The following FMO2 variants were observed in gnomAD, a reference collection of about 807,000 sequenced individuals.
The protein encoded by FMO2 is flavin-containing monooxygenase 2.
A neutral mutation model predicts 41.6 loss-of-function variants in FMO2; 33 were observed. That is an observed-to-expected ratio of 0.79 (90% CI 0.60 to 1.06). The LOEUF is 1.06. Ranked by LOEUF, FMO2 falls within the 50% of genes least tolerant of loss-of-function variation. The pLI is 0.00. For synonymous variants in FMO2, 214 were observed against 219.6 expected, an observed-to-expected ratio of 0.97 and a Z score of 0.23; for missense variants, 619 against 632.9, an observed-to-expected ratio of 0.98 and a Z score of 0.23.
intron 5 of FMO2, among the ~76,000 whole-genome samples, chr1:171,202,345 C>T (rs1433894257): frequency 6.6e-6 from 1 of 152,104 alleles, no homozygotes; most frequent in African/African-American, 2.4e-5. Flanking sequence ...AGGAGAAATT[C>T]AGAACATAGG....
intron 2 of FMO2, among the ~76,000 whole-genome samples, chr1:171,190,423 T>G (rs2101982082): frequency 6.6e-6 from 1 of 152,340 alleles, no homozygotes; most frequent in East Asian, 1.9e-4. Context: ...ATATTTATGC[T>G]TAATTATCCA....
chr1:171,198,844 G>A (rs1037271682), intron 4 of FMO2, among the ~76,000 whole-genome samples: 15 of 152,180 alleles, frequency 9.9e-5, no homozygotes, highest in African/African-American at 1.9e-4. Flanking sequence ...AACTGCAGCC[G>A]TAAGCTGCAG....
intron 6 of FMO2, among the ~76,000 whole-genome samples, chr1:171,204,564 T>C (rs28369896): frequency 6.6e-6 from 1 of 152,180 alleles, no homozygotes; most frequent in African/African-American, 2.4e-5. Flanking sequence ...AATGGTTCTT[T>C]TGCTTTAGTT....
intron 4 of FMO2, 70 bp downstream of exon 4, chr1:171,196,881 C>A: frequency 1.4e-6 from 2 of 1,418,846 alleles, no homozygotes; most frequent in Non-Finnish European, 2.0e-6. Context: ...TTTGGATTGA[C>A]AAGCAGGATT....
chr1:171,206,762 A>G (rs754754034), intron 7 of FMO2, among the ~76,000 whole-genome samples: 1 of 152,210 alleles, frequency 6.6e-6, no homozygotes, highest in Non-Finnish European at 1.5e-5. Context: ...TAGATTTGAA[A>G]GTGGGGAAAG....
At chr1:171,208,045 T>G (rs557245086) in intron 8 of FMO2, among the ~76,000 whole-genome samples, 157 of 152,332 alleles carry the variant, frequency 1.0e-3, no homozygotes, top group Middle Eastern at 3.4e-3. Context: ...CACTTCTCCT[T>G]GGCTTAATTT....
Position 171,199,438 on chromosome 1 carries a change from G to T in FMO2, c.577G>T (p.Gly193Ter), listed in dbSNP as rs914416134. 16 of 1,612,684 alleles carry T rather than the reference G, an allele frequency of 9.9e-6. No individual in the cohort carries two copies. Among genetic ancestry groups the T allele is most frequent in the Non-Finnish European group, 1.2e-5 (14 of 1,179,448 alleles). Residue 193 changes from glycine to a stop codon, truncating the protein, a stop_gained, in exon 5 of 9, where the codon GGA becomes TGA. Transcript: ENST00000209929. LOFTEE classifies it high-confidence loss of function. ...AAAACGCATCCTGGTGATTGGAATG[G>T]GAAACTCAGGCTCAGATATTGCTGT... is the stretch of plus-strand genomic sequence containing the variant. ...EGKRILVIGM[G>*]NSGSDIAVEL...
rs185518561 is a variant in FMO2, at chr1:171,196,830, C to T, written c.484+19C>T. On this transcript the variant is annotated intron_variant, in intron 4 of 8. Transcript: ENST00000209929. ...TTTCCAGGTGAGACCCGCTGGGATTCCCAGCTTTTTGGAGTAGGTTTCCAG... is the reference window on the plus strand; with the variant it reads ...TTTCCAGGTGAGACCCGCTGGGATTTCCAGCTTTTTGGAGTAGGTTTCCAG... 9.3e-6 allele frequency: 15 copies of T among 1,606,976 alleles called. No homozygotes were observed.
intron 5 of FMO2, among the ~76,000 whole-genome samples, chr1:171,201,412 A>G (rs10912552): frequency 0.4 from 60,484 of 152,040 alleles, 12,829 homozygotes; most frequent in East Asian, 0.55. Flanking sequence ...ACTATGATAA[A>G]ACCTCTTACA....
At chr1:171,207,929 G>T in intron 8 of FMO2, 139 bp downstream of exon 8, 1 of 618,978 alleles carries the variant, frequency 1.6e-6, no homozygotes. Flanking sequence ...CAGAAACTCC[G>T]TGTGTGAGGC....
chr1:171,196,634 C>G lies in FMO2; in HGVS notation c.322-15C>G, dbSNP rs1388023471. ...GGAGTAATTCTCAATGATGCCTTCT[C>G]TGTGTTTCTTCAAGACAACTGTCCT... On this transcript the variant is annotated splice_polypyrimidine_tract_variant and intron_variant, in intron 3 of 8. Transcript: ENST00000209929. The G allele has an allele frequency of 6.2e-7, 1 of 1,610,478 alleles. No homozygotes were observed.
At chr1:171,198,654 G>T (rs532002831) in intron 4 of FMO2, among the ~76,000 whole-genome samples, 2 of 151,980 alleles carry the variant, frequency 1.3e-5, no homozygotes, top group African/African-American at 4.8e-5. Context: ...CAGTTGATCC[G>T]CCCGCCTTGG....
chr1:171,206,983 A>T (rs1658779352), intron 7 of FMO2, among the ~76,000 whole-genome samples: 1 of 152,218 alleles, frequency 6.6e-6, no homozygotes, highest in East Asian at 1.9e-4. Flanking sequence ...GATCTCTGGC[A>T]TTGGAAACCA....
At chr1:171,201,352 A>G (rs1160504967) in intron 5 of FMO2, among the ~76,000 whole-genome samples, 1 of 152,186 alleles carries the variant, frequency 6.6e-6, no homozygotes, top group African/African-American at 2.4e-5. Flanking sequence ...ATACTCATTC[A>G]TCTGCACTAA....
Position 171,209,152 on chromosome 1 carries a change from T to C in FMO2, c.*7T>C, listed in dbSNP as rs1248743543. 1 of 495,608 alleles carries C rather than the reference T, an allele frequency of 2.0e-6. No individual in the cohort carries two copies. Among genetic ancestry groups the C allele is most frequent in the Non-Finnish European group, 3.5e-6 (1 of 283,204 alleles). The allele number at this position is 495,608 out of a possible 1,614,324, so 30.7% of individuals were successfully genotyped here. A position where few individuals can be genotyped will look rare whatever the true frequency, so the allele number is the denominator to read the frequency against. Reference sequence around the variant, plus strand: ...CCAACTTCAATGGTCCTAGTCAGCATAATGCTTTGGGCTTTATTATCTTGT... The same window carrying C: ...CCAACTTCAATGGTCCTAGTCAGCACAATGCTTTGGGCTTTATTATCTTGT... On this transcript the variant is annotated 3_prime_UTR_variant, in exon 9 of 9. Coordinates refer to ENST00000209929, the MANE Select transcript of FMO2 (RefSeq NM_001460.5).
At position 171,207,746 on chromosome 1, in the gene FMO2, T is replaced by C. The variant is rs370438885; in HGVS notation, c.1212T>C (p.Thr404=). 3.7e-6 allele frequency: 6 copies of C among 1,611,242 alleles called. No homozygotes were observed. Among genetic ancestry groups the C allele is most frequent in the Non-Finnish European group, 5.1e-6 (6 of 1,177,984 alleles). ...KGLCSLPSER[T]MMMDIIKRNE... ...TGTGTAGCCTGCCCTCAGAGAGAAC[T>C]ATGATGATGGACATTATCAAAAGGA... The change falls in exon 8 of 9, where the codon ACT becomes ACC. Residue 404 remains threonine (T), a synonymous_variant. Transcript: ENST00000209929.
intron 7 of FMO2, 103 bp from the exon 8 acceptor site, chr1:171,207,615 T>A: frequency 1.2e-6 from 1 of 829,006 alleles, no homozygotes; most frequent in Non-Finnish European, 2.0e-6. Flanking sequence ...CTGACTGGTA[T>A]GACATGGTTC....
In FMO2 at chr1:171,192,765, CAAAAAAAAA is replaced by C. The variant is rs71561558; in HGVS notation, c.133-556_133-548del. Among the ~76,000 whole-genome samples, 60 of 111,552 alleles carry C rather than the reference CAAAAAAAAA, an allele frequency of 5.4e-4. No individual in the cohort carries two copies. The South Asian group carries it at 6.2e-3, about 12-fold the overall frequency. 73.2% of individuals were successfully genotyped at this position (111,552 alleles called of 152,430 possible). A position where few individuals can be genotyped will look rare whatever the true frequency, so the allele number is the denominator to read the frequency against. The stretch of plus-strand genomic sequence containing the variant: ...TGGGTGACAGAGCGAGACTCTGTCT[CAAAAAAAAA>C]AAAAAAAAAAAAAGATTTGATTCTA... On this transcript the variant is annotated intron_variant, in intron 2 of 8. Coordinates refer to ENST00000209929, the MANE Select transcript of FMO2 (RefSeq NM_001460.5).
chr1:171,211,587 A>T lies in FMO2; in HGVS notation c.*2442A>T, dbSNP rs2102023942. 6.6e-6 allele frequency among the ~76,000 whole-genome samples: 1 copy of T among 152,342 alleles called. No individual in the cohort carries two copies. The highest frequency in any genetic ancestry group is 2.1e-4 in the South Asian group (1 of 4,828). ...TCCCTAAAATTTTTAGAAATCTCTC[A>T]AAATCTTTCCAAATGTTCTGGTATC... On this transcript the variant is annotated 3_prime_UTR_variant, in exon 9 of 9. Coordinates refer to ENST00000209929, the MANE Select transcript of FMO2 (RefSeq NM_001460.5).
Sources: allele counts gnomAD v4.1 joint callset (sites outside exome capture counted in the v4.1 genomes callset), GRCh38; gene constraint gnomAD v4.1.1; transcripts MANE v1.5; gene names NCBI Gene and HGNC (gene_info 2026-07-23, HGNC 2026-07-21).